The following ITFG1 variants were observed in gnomAD, a reference collection of about 807,000 sequenced individuals.
ITFG1 encodes the protein integrin alpha FG-GAP repeat containing 1.
A neutral mutation model predicts 81.8 loss-of-function variants in ITFG1; 34 were observed. The ratio of observed to expected loss-of-function variants is 0.42; its 90% CI spans 0.32 to 0.55. ITFG1 has a LOEUF of 0.55. Ranked by LOEUF, ITFG1 falls within the 20% of genes least tolerant of loss-of-function variation. The pLI is 0.17. For missense variants in ITFG1, 672 were observed against 755.4 expected (o/e 0.89, Z 1.29); for synonymous variants, 285 against 270.6 (o/e 1.05, Z -0.52).
At chr16:47,194,379 GC>G (rs1365967480) in intron 14 of ITFG1, among the ~76,000 whole-genome samples, 1 of 152,224 alleles carries the variant, frequency 6.6e-6, no homozygotes, top group Middle Eastern at 3.4e-3. Flanking sequence ...ACAGCACCTG[GC>G]AAAGTATCAT....
At chr16:47,219,554 G>C (rs1018589800) in intron 13 of ITFG1, among the ~76,000 whole-genome samples, 1 of 152,082 alleles carries the variant, frequency 6.6e-6, no homozygotes, top group Admixed American at 6.5e-5. Flanking sequence ...AGAAACCAAG[G>C]CTAATTAAAT....
chr16:47,433,616 T>C (rs911044083), intron 5 of ITFG1, among the ~76,000 whole-genome samples: 13 of 151,936 alleles, frequency 8.6e-5, no homozygotes, highest in Admixed American at 2.0e-4. Context: ...TGTTTTGCTA[T>C]TTTACAGTTA....
At chr16:47,444,812 G>A (rs1049209633) in intron 5 of ITFG1, among the ~76,000 whole-genome samples, 2 of 152,118 alleles carry the variant, frequency 1.3e-5, no homozygotes, top group East Asian at 3.9e-4. Context: ...TGGCATGAAA[G>A]TTACCTTCTT....
intron 17 of ITFG1, 63 bp downstream of exon 17, chr16:47,158,810 G>T: frequency 1.3e-6 from 1 of 755,448 alleles, no homozygotes; most frequent in Non-Finnish European, 2.2e-6. Context: ...TGTTTTTAAA[G>T]AGCAATGTAT....
At chr16:47,313,921 C>G (rs1967309841) in intron 8 of ITFG1, 98 bp from the exon 9 acceptor site, 3 of 566,378 alleles carry the variant, frequency 5.3e-6, no homozygotes, top group Admixed American at 3.8e-5. Context: ...CTACATCAAT[C>G]TGGATAAAAC....
intron 12 of ITFG1, among the ~76,000 whole-genome samples, chr16:47,249,671 T>A (rs746823034): frequency 2.0e-5 from 3 of 152,320 alleles, no homozygotes; most frequent in Non-Finnish European, 2.9e-5. Flanking sequence ...ACATGGACAA[T>A]GGGATGTGCA....
chr16:47,414,306 T>C (rs745632817), intron 6 of ITFG1, among the ~76,000 whole-genome samples: 26 of 151,600 alleles, frequency 1.7e-4, no homozygotes, highest in Non-Finnish European at 2.7e-4. Flanking sequence ...GGCAGATCAC[T>C]TGAGGTCAGG....
At chr16:47,260,000 G>A (rs1197476444) in intron 11 of ITFG1, among the ~76,000 whole-genome samples, 5 of 150,460 alleles carry the variant, frequency 3.3e-5, no homozygotes, top group African/African-American at 4.9e-5. Flanking sequence ...GTGCAGTGGC[G>A]CAATCTCGGC....
intron 14 of ITFG1, among the ~76,000 whole-genome samples, chr16:47,201,920 A>G (rs917593413): frequency 1.3e-5 from 2 of 152,202 alleles, no homozygotes; most frequent in African/African-American, 4.8e-5. Context: ...TTGACTGTGT[A>G]TCTGACATTT....
chr16:47,271,732 G>A (rs989417598), intron 10 of ITFG1, among the ~76,000 whole-genome samples: 9 of 152,262 alleles, frequency 5.9e-5, no homozygotes, highest in South Asian at 2.1e-4. Context: ...GGTGGTGGGC[G>A]CCTGTAGTCC....
At chr16:47,185,999 A>G (rs1047160271) in intron 14 of ITFG1, among the ~76,000 whole-genome samples, 1 of 152,260 alleles carries the variant, frequency 6.6e-6, no homozygotes, top group African/African-American at 2.4e-5. Flanking sequence ...CAAATAAACT[A>G]GAAAATCTAG....
intron 7 of ITFG1, among the ~76,000 whole-genome samples, chr16:47,373,659 G>C (rs2151589945): frequency 6.6e-6 from 1 of 152,222 alleles, no homozygotes; most frequent in South Asian, 2.1e-4. Context: ...AATTCCTGTA[G>C]CATAATGTAT....
intron 10 of ITFG1, among the ~76,000 whole-genome samples, chr16:47,305,295 GA>G (rs1967140322): frequency 6.6e-6 from 1 of 152,150 alleles, no homozygotes; most frequent in Admixed American, 6.5e-5. Flanking sequence ...TCACAGTGGT[GA>G]CTAGTACTTT....
chr16:47,175,969 C>T (rs1965019662), intron 14 of ITFG1, among the ~76,000 whole-genome samples: 1 of 152,156 alleles, frequency 6.6e-6, no homozygotes, highest in African/African-American at 2.4e-5. Flanking sequence ...TCACTGAGCA[C>T]ACCTTGAGCT....
chr16:47,403,717 T>C (rs1242990284), intron 6 of ITFG1, among the ~76,000 whole-genome samples: 2 of 151,386 alleles, frequency 1.3e-5, no homozygotes, highest in Non-Finnish European at 2.9e-5. Context: ...TAATACTCAC[T>C]TTTAGACAGT....
chr16:47,348,174 G>T (rs187434997), intron 8 of ITFG1, among the ~76,000 whole-genome samples: 3 of 152,180 alleles, frequency 2.0e-5, no homozygotes, highest in Admixed American at 6.5e-5. Flanking sequence ...CCAAAGGAAC[G>T]CAACTCCTCA....
At chr16:47,347,898 T>C (rs1967883208) in intron 8 of ITFG1, among the ~76,000 whole-genome samples, 1 of 152,294 alleles carries the variant, frequency 6.6e-6, no homozygotes, top group South Asian at 2.1e-4. Context: ...ATATTCGCTG[T>C]TCAGCAACAT....
intron 8 of ITFG1, among the ~76,000 whole-genome samples, chr16:47,332,709 C>T (rs1256326422): frequency 1.3e-5 from 2 of 152,128 alleles, no homozygotes; most frequent in Non-Finnish European, 2.9e-5. Flanking sequence ...TGGGATCAGA[C>T]AGACAGGGAG....
rs114474350 is a variant in ITFG1 at position 47,373,720 on chromosome 16, C to T, written c.720+2156G>A. On this transcript the variant is annotated intron_variant, in intron 7 of 17. Transcript: ENST00000320640. ...CCACACTCACATCCCAGCTCCTAGC[C>T]TACAAGCCCTATTCACTTCTGTAAC... Among the ~76,000 whole-genome samples the T allele has an allele frequency of 1.9e-3, 289 of 152,332 alleles. 1 individual carries two copies. Among genetic ancestry groups the T allele is most frequent in the African/African-American group, 6.3e-3 (263 of 41,572 alleles).
Sources: gnomAD v4.1 joint callset for allele counts (sites outside exome capture counted in the v4.1 genomes callset) on GRCh38, gnomAD v4.1.1 for gene constraint, MANE v1.5 for transcripts, NCBI Gene and HGNC (gene_info 2026-07-23, HGNC 2026-07-21) for gene names.